Variants in METTL15 observed in about 807,000 individuals in gnomAD.
The protein encoded by METTL15 is methyltransferase 15, mitochondrial 12S rRNA N4-cytidine, also known as 12S rRNA N(4)-cytidine methyltransferase METTL15.
In METTL15, 34 loss-of-function variants were observed where a neutral mutation model predicts 38.3. The observed-to-expected ratio is 0.89, with a 90% CI of 0.68 to 1.18. The LOEUF is 1.18. Among genes scored for constraint, METTL15 ranks in the 50% most tolerant of loss-of-function variants. The probability of loss-of-function intolerance (pLI) is 0.00; values close to 1 mark genes in which losing one functional copy is unlikely to be tolerated. For missense variants in METTL15, 438 were observed against 498.4 expected (o/e 0.88, Z 1.15); for synonymous variants, 162 against 170.9 (o/e 0.95, Z 0.41).
intron 6 of METTL15, among the ~76,000 whole-genome samples, chr11:28,506,917 G>T (rs1470894424): frequency 6.6e-6 from 1 of 151,648 alleles, no homozygotes; most frequent in African/African-American, 2.4e-5. Flanking sequence ...GCTAATTTTT[G>T]TATTTTTAAT....
At position 28,223,172 on chromosome 11, in the gene METTL15, G is replaced by A. The variant is rs554724366; in HGVS notation, c.407+11974G>A. ...TTCCTACAAACTTTATATATACATC[G>A]CTTGTGTATATATAATCATGGAAAA... On this transcript the variant is annotated intron_variant, in intron 4 of 6. Transcript: ENST00000407364. 1.9e-4 allele frequency among the ~76,000 whole-genome samples: 29 copies of A among 151,882 alleles called. No individual in the cohort carries two copies. In the East Asian group the frequency reaches 1.9e-3, roughly 10 times the overall value.
At chr11:28,120,020 T>C (rs1167091196) in intron 3 of METTL15, among the ~76,000 whole-genome samples, 1 of 152,126 alleles carries the variant, frequency 6.6e-6, no homozygotes, top group Non-Finnish European at 1.5e-5. Flanking sequence ...GGGGCGATCT[T>C]GGCTCACTGC....
chr11:28,256,999 A>G (rs149810428), intron 4 of METTL15, among the ~76,000 whole-genome samples: 362 of 152,168 alleles, frequency 2.4e-3, no homozygotes, highest in Non-Finnish European at 3.8e-3. Flanking sequence ...ATGTATTTGT[A>G]TAGTTTCCAA....
chr11:28,270,689 A>C (rs1440339214), intron 4 of METTL15, among the ~76,000 whole-genome samples: 1 of 152,200 alleles, frequency 6.6e-6, no homozygotes, highest in African/African-American at 2.4e-5. Context: ...TCAATGAAAT[A>C]AGCAGAAAGC....
intron 6 of METTL15, among the ~76,000 whole-genome samples, chr11:28,495,071 A>G (rs1851525233): frequency 1.3e-5 from 2 of 152,186 alleles, no homozygotes; most frequent in Admixed American, 6.5e-5. Context: ...TTATTCATCA[A>G]ATATCTATTG....
At chr11:28,221,421 T>C (rs1853214863) in intron 4 of METTL15, among the ~76,000 whole-genome samples, 2 of 152,230 alleles carry the variant, frequency 1.3e-5, no homozygotes, top group African/African-American at 2.4e-5. Flanking sequence ...TCAGGTTCTT[T>C]AAGGACTTGT....
At chr11:28,136,398 T>C (rs1246090496) in intron 3 of METTL15, among the ~76,000 whole-genome samples, 9 of 152,188 alleles carry the variant, frequency 5.9e-5, no homozygotes. Context: ...GTGCCTTTGC[T>C]TCTCCTTTGC....
intron 4 of METTL15, among the ~76,000 whole-genome samples, chr11:28,359,240 C>CA (rs2133366658): frequency 6.6e-6 from 1 of 152,276 alleles, no homozygotes; most frequent in African/African-American, 2.4e-5. Context: ...CAGCCATACC[C>CA]ATGTTGCTGC....
chr11:28,292,372 T>C (rs1194916620), intron 5 of METTL15, among the ~76,000 whole-genome samples: 2 of 151,984 alleles, frequency 1.3e-5, no homozygotes, highest in Non-Finnish European at 2.9e-5. Context: ...TCCATGTCCC[T>C]ACAAAGGACG....
At chr11:28,218,821 T>C (rs898292248) in intron 4 of METTL15, among the ~76,000 whole-genome samples, 6 of 152,176 alleles carry the variant, frequency 3.9e-5, no homozygotes, top group Non-Finnish European at 8.8e-5. Context: ...GATAATCATG[T>C]GGTTTTTGTC....
chr11:28,254,583 C>T (rs997766509), intron 4 of METTL15, among the ~76,000 whole-genome samples: 2 of 152,114 alleles, frequency 1.3e-5, no homozygotes, highest in Admixed American at 1.3e-4. Context: ...GAGAGTCACT[C>T]AAATGTTTTC....
At chr11:28,440,271 A>T (rs1851023027) in intron 6 of METTL15, among the ~76,000 whole-genome samples, 1 of 152,190 alleles carries the variant, frequency 6.6e-6, no homozygotes, top group East Asian at 1.9e-4. Flanking sequence ...CATCTATGTG[A>T]TATCTAGTGC....
intron 3 of METTL15, among the ~76,000 whole-genome samples, chr11:28,201,235 T>C (rs909909974): frequency 2.0e-5 from 3 of 152,154 alleles, no homozygotes; most frequent in African/African-American, 7.2e-5. Context: ...ATCCCAGGGA[T>C]GAAGCCAACT....
intron 6 of METTL15, among the ~76,000 whole-genome samples, chr11:28,503,016 AT>A (rs1354715727): frequency 1.3e-5 from 2 of 152,198 alleles, no homozygotes; most frequent in African/African-American, 4.8e-5. Context: ...AAAATGGTTT[AT>A]TTCTCACTTG....
At chr11:28,326,312 T>A (rs1849633415) in intron 6 of METTL15, among the ~76,000 whole-genome samples, 1 of 152,098 alleles carries the variant, frequency 6.6e-6, no homozygotes, top group Non-Finnish European at 1.5e-5. Flanking sequence ...CTTGTGTTCT[T>A]GATTAAATCA....
chr11:28,250,869 C>A (rs1854711966), intron 4 of METTL15, among the ~76,000 whole-genome samples: 1 of 151,968 alleles, frequency 6.6e-6, no homozygotes, highest in African/African-American at 2.4e-5. Context: ...AGGTCAACCA[C>A]CTTGTCAATT....
At chr11:28,241,668 T>C (rs369695680) in intron 4 of METTL15, among the ~76,000 whole-genome samples, 22 of 152,110 alleles carry the variant, frequency 1.4e-4, no homozygotes, top group African/African-American at 5.1e-4. Context: ...TGAGAAAGAC[T>C]TGGAAGAGGT....
intron 5 of METTL15, among the ~76,000 whole-genome samples, chr11:28,393,835 A>C (rs990754552): frequency 6.6e-6 from 1 of 152,112 alleles, no homozygotes; most frequent in Non-Finnish European, 1.5e-5. Context: ...ATTGGAAGTC[A>C]TCTTGAAGGT....
chr11:28,119,654 A>G (rs1373721660), intron 3 of METTL15, among the ~76,000 whole-genome samples: 1 of 152,162 alleles, frequency 6.6e-6, no homozygotes, highest in African/African-American at 2.4e-5. Flanking sequence ...ACTTTTTATA[A>G]TTATTAGATT....
Sources: allele counts gnomAD v4.1 joint callset (sites outside exome capture counted in the v4.1 genomes callset), GRCh38; gene constraint gnomAD v4.1.1; transcripts MANE v1.5; gene names NCBI Gene and HGNC (gene_info 2026-07-23, HGNC 2026-07-21).